The following GRIK2 variants were observed in gnomAD, a reference collection of about 807,000 sequenced individuals.
The protein encoded by GRIK2 is glutamate receptor ionotropic, kainate 2.
Under a neutral mutation model 100.3 loss-of-function variants are expected in GRIK2, and 32 were observed. That is an observed-to-expected ratio of 0.32 (90% CI 0.24 to 0.43). GRIK2 has a LOEUF of 0.43. Ranked by LOEUF, GRIK2 falls within the 20% of genes least tolerant of loss-of-function variation. GRIK2 has a pLI of 1.00. For missense variants in GRIK2, 843 were observed against 1,114.9 expected, an observed-to-expected ratio of 0.76 and a Z score of 3.47; for synonymous variants, 417 against 389.4, an observed-to-expected ratio of 1.07 and a Z score of -0.83.
chr6:101,644,067 A>G (rs1305550268), intron 4 of GRIK2, among the ~76,000 whole-genome samples: 2 of 151,786 alleles, frequency 1.3e-5, no homozygotes, highest in Non-Finnish European at 3.0e-5. Flanking sequence ...ATACAACTAT[A>G]TAAAGTAATA....
intron 10 of GRIK2, among the ~76,000 whole-genome samples, chr6:101,820,838 C>T (rs147779942): frequency 1.7e-3 from 259 of 152,252 alleles, no homozygotes; most frequent in African/African-American, 5.9e-3. Flanking sequence ...TTGACAGCTC[C>T]ATTAAGTTGC....
chr6:101,858,376 A>AT (rs66505184), intron 10 of GRIK2, among the ~76,000 whole-genome samples: 99,671 of 125,296 alleles, frequency 0.8, 39,795 homozygotes, highest in East Asian at 0.96. Context: ...CTCTCTCTCT[A>AT]TTTTTTTTTC....
rs150373168 is a variant in GRIK2 at position 101,893,805 on chromosome 6, C to G, written c.1748+3942C>G. ...TAAGAGTTGTGCCAAATGCTTGAATCCCAGAATGAACCCAACTGAATATGT... is the reference window on the plus strand; with the variant it reads ...TAAGAGTTGTGCCAAATGCTTGAATGCCAGAATGAACCCAACTGAATATGT... On this transcript the variant is annotated intron_variant, in intron 12 of 16. Coordinates refer to ENST00000369134, the MANE Select transcript of GRIK2 (RefSeq NM_021956.5). Among the ~76,000 whole-genome samples, 26 of 151,722 alleles carry G rather than the reference C, an allele frequency of 1.7e-4. No homozygotes were observed. The East Asian group carries it at 5.0e-3, about 29-fold the overall frequency.
intron 10 of GRIK2, among the ~76,000 whole-genome samples, chr6:101,823,987 C>T (rs1271107867): frequency 1.3e-5 from 2 of 151,754 alleles, no homozygotes; most frequent in Non-Finnish European, 2.9e-5. Flanking sequence ...CCTGCCTCAG[C>T]CTCCTGAGTA....
intron 12 of GRIK2, among the ~76,000 whole-genome samples, chr6:101,919,565 C>T (rs1417175): frequency 0.94 from 142,209 of 151,750 alleles, 66,670 homozygotes; most frequent in Middle Eastern, 0.97. Flanking sequence ...GGATGGAAAT[C>T]CATTGAGGGA....
intron 2 of GRIK2, among the ~76,000 whole-genome samples, chr6:101,581,034 A>G (rs1333596659): frequency 6.6e-6 from 1 of 151,916 alleles, no homozygotes; most frequent in Non-Finnish European, 1.5e-5. Flanking sequence ...ATAGAATGTA[A>G]GTTTCAAGAG....
chr6:102,047,093 T>C (rs1412310830), intron 15 of GRIK2, among the ~76,000 whole-genome samples: 1 of 152,056 alleles, frequency 6.6e-6, no homozygotes, highest in East Asian at 1.9e-4. Flanking sequence ...TAGCAACAAA[T>C]GCCTCTACTT....
chr6:101,758,740 G>A (rs567610537), intron 7 of GRIK2, among the ~76,000 whole-genome samples: 1 of 152,214 alleles, frequency 6.6e-6, no homozygotes, highest in South Asian at 2.1e-4. Flanking sequence ...ATGATTTCAG[G>A]GGTAATAGAT....
intron 10 of GRIK2, among the ~76,000 whole-genome samples, chr6:101,845,869 G>A (rs1055324579): frequency 1.3e-5 from 2 of 152,020 alleles, no homozygotes; most frequent in South Asian, 2.1e-4. Context: ...GGTGTGAAGT[G>A]GTATCTTACT....
At chr6:101,547,079 C>T (rs1286309625) in intron 2 of GRIK2, among the ~76,000 whole-genome samples, 1 of 151,792 alleles carries the variant, frequency 6.6e-6, no homozygotes, top group Non-Finnish European at 1.5e-5. Flanking sequence ...GATCCGCCCG[C>T]CTCGGCCTCC....
At chr6:101,420,826 G>A (rs1054234234) in intron 2 of GRIK2, among the ~76,000 whole-genome samples, 2 of 152,100 alleles carry the variant, frequency 1.3e-5, no homozygotes, top group African/African-American at 4.8e-5. Flanking sequence ...TATTTATATT[G>A]TATTAGAGTT....
chr6:101,464,637 C>T (rs1408786962), intron 2 of GRIK2, among the ~76,000 whole-genome samples: 2 of 149,078 alleles, frequency 1.3e-5, no homozygotes, highest in Admixed American at 6.8e-5. Flanking sequence ...CCGCCTCAGC[C>T]TCCCGAATAG....
At chr6:101,874,458 C>G (rs1349474091) in intron 11 of GRIK2, among the ~76,000 whole-genome samples, 2 of 151,962 alleles carry the variant, frequency 1.3e-5, no homozygotes, top group South Asian at 2.1e-4. Flanking sequence ...TGGTCTATAT[C>G]TCTGTTTTGG....
intron 12 of GRIK2, among the ~76,000 whole-genome samples, chr6:101,900,918 CT>C (rs1787807040): frequency 7.2e-6 from 1 of 137,966 alleles, no homozygotes; most frequent in Non-Finnish European, 1.6e-5. Context: ...TTTTTTTTTT[CT>C]TAAAAAAAGC....
chr6:102,046,965 T>TTC (rs1309286498), intron 15 of GRIK2, among the ~76,000 whole-genome samples: 1 of 152,026 alleles, frequency 6.6e-6, no homozygotes, highest in Non-Finnish European at 1.5e-5. Flanking sequence ...GAACAACTAG[T>TTC]AGGTCAAATA....
At chr6:101,754,094 T>G (rs776836235) in intron 7 of GRIK2, among the ~76,000 whole-genome samples, 5 of 151,946 alleles carry the variant, frequency 3.3e-5, no homozygotes, top group Admixed American at 6.5e-5. Context: ...ACAATATTTC[T>G]TAGATAACTT....
chr6:101,991,580 C>A (rs1178186581), intron 14 of GRIK2, among the ~76,000 whole-genome samples: 1 of 150,824 alleles, frequency 6.6e-6, no homozygotes, highest in African/African-American at 2.4e-5. Flanking sequence ...ATGGAAAATT[C>A]TTTCAAAAAA....
At chr6:101,573,899 T>G (rs1386352635) in intron 2 of GRIK2, among the ~76,000 whole-genome samples, 1 of 152,066 alleles carries the variant, frequency 6.6e-6, no homozygotes, top group African/African-American at 2.4e-5. Flanking sequence ...CTAGAGAAAT[T>G]TTCCTTTAAT....
chr6:101,899,655 A>G (rs1787711976), intron 12 of GRIK2, among the ~76,000 whole-genome samples: 2 of 152,236 alleles, frequency 1.3e-5, no homozygotes, highest in Non-Finnish European at 2.9e-5. Context: ...TACACCTGAG[A>G]TGATAAAATG....
Sources: allele counts gnomAD v4.1 joint callset (sites outside exome capture counted in the v4.1 genomes callset), GRCh38; gene constraint gnomAD v4.1.1; transcripts MANE v1.5; gene names NCBI Gene and HGNC (gene_info 2026-07-23, HGNC 2026-07-21).